MBP: variants seen among roughly 807,000 people sequenced by gnomAD.
MBP encodes the protein Golli-MBP.
In MBP, 16 loss-of-function variants were observed where a neutral mutation model predicts 35.8. That is an observed-to-expected ratio of 0.45 (90% confidence interval 0.30 to 0.68). The LOEUF (loss-of-function observed/expected upper bound fraction) is 0.68. Among genes scored for constraint, MBP ranks in the 30% least tolerant of loss-of-function variants. The pLI is 0.08. For synonymous variants in MBP, 143 were observed against 159.6 expected, an observed-to-expected ratio of 0.90 and a Z score of 0.78; for missense variants, 380 against 404.7, an observed-to-expected ratio of 0.94 and a Z score of 0.52.
At chr18:76,998,346 TTCCAC>T (rs1970437775) in intron 4 of MBP, among the ~76,000 whole-genome samples, 1 of 109,848 alleles carries the variant, frequency 9.1e-6, no homozygotes, top group African/African-American at 3.5e-5. Flanking sequence ...CCCTTCCACC[TTCCAC>T]CGTTAGGCTG....
At chr18:77,092,784 GCTC>G (rs1975589612) in intron 2 of MBP, among the ~76,000 whole-genome samples, 1 of 152,160 alleles carries the variant, frequency 6.6e-6, no homozygotes, top group South Asian at 2.1e-4. Flanking sequence ...GGAGAAGCAG[GCTC>G]CTCATTTCAC....
At chr18:77,132,428 G>C (rs976740047) in intron 1 of MBP, among the ~76,000 whole-genome samples, 152 bp downstream of exon 1, 1 of 152,188 alleles carries the variant, frequency 6.6e-6, no homozygotes, top group Non-Finnish European at 1.5e-5. Context: ...CCCGGAGTCC[G>C]GGCGTCGGGA....
chr18:77,001,360 C>T lies in MBP; in HGVS notation c.577-11300G>A, dbSNP rs373585742. Among the ~76,000 whole-genome samples, 209 of 152,310 alleles carry T rather than the reference C, an allele frequency of 1.4e-3. 3 individuals carry two copies. The highest frequency in any genetic ancestry group is 0.013 in the South Asian group (62 of 4,824). On this transcript the variant is annotated intron_variant, in intron 4 of 8. Transcript: ENST00000355994. The stretch of plus-strand genomic sequence containing the variant: ...GTGTAGATACACCTACCCAGAAGAT[C>T]GGCCCAGCGTAGCCTGACAGTCTCC...
At chr18:77,024,963 C>A (rs1055438985) in intron 3 of MBP, among the ~76,000 whole-genome samples, 1 of 152,192 alleles carries the variant, frequency 6.6e-6, no homozygotes, top group Admixed American at 6.5e-5. Flanking sequence ...CCACAGCACC[C>A]GCAGAGAGTG....
chr18:76,984,439 C>A, intron 8 of MBP: 1 of 293,808 alleles, frequency 3.4e-6, no homozygotes. Context: ...CCTGCTTTAG[C>A]TCCCTGAGGG....
intron 1 of MBP, among the ~76,000 whole-genome samples, chr18:77,120,791 G>A (rs1365741981): frequency 6.6e-6 from 1 of 152,140 alleles, no homozygotes; most frequent in Non-Finnish European, 1.5e-5. Context: ...AAGAGGTCAG[G>A]AATAAACCTG....
At position 77,021,084 on chromosome 18, in the gene MBP, C is replaced by T. The variant is rs188546173; in HGVS notation, c.140-3816G>A. On this transcript the variant is annotated intron_variant, in intron 3 of 8. Coordinates refer to ENST00000355994, the MANE Select transcript of MBP (RefSeq NM_001025101.2). Reference sequence around the variant, plus strand: ...GAGTGTTGTCTTCTGAGAAAGAGTCCTCCACCCTCCGCTCCGTACAGCCTT... The same window carrying T: ...GAGTGTTGTCTTCTGAGAAAGAGTCTTCCACCCTCCGCTCCGTACAGCCTT... 8.4e-4 allele frequency among the ~76,000 whole-genome samples: 128 copies of T among 152,244 alleles called. 1 individual carries two copies. The highest frequency in any genetic ancestry group is 1.7e-3 in the Admixed American group (26 of 15,294).
chr18:77,085,990 A>G (rs1333401359), intron 2 of MBP, among the ~76,000 whole-genome samples: 2 of 152,032 alleles, frequency 1.3e-5, no homozygotes, highest in Non-Finnish European at 2.9e-5. Flanking sequence ...CCCTCAGTGC[A>G]ATAAGGAGAG....
intron 3 of MBP, among the ~76,000 whole-genome samples, chr18:77,047,475 C>T (rs9961421): frequency 0.014 from 2,174 of 152,240 alleles, 49 homozygotes; most frequent in African/African-American, 0.049. Context: ...TGGGGTGAGA[C>T]GTGTCGGGGA....
At chr18:77,087,519 G>A (rs1483016294) in intron 2 of MBP, 1 of 152,340 alleles carries the variant, frequency 6.6e-6, no homozygotes, top group Non-Finnish European at 1.5e-5. Flanking sequence ...AAAGCGCAGA[G>A]GCCTCCCTCC....
chr18:76,993,036 C>A (rs374606148), intron 4 of MBP, among the ~76,000 whole-genome samples: 1 of 152,322 alleles, frequency 6.6e-6, no homozygotes, highest in East Asian at 1.9e-4. Flanking sequence ...CTCAGCACTG[C>A]GAGCTCTGTT....
intron 2 of MBP, among the ~76,000 whole-genome samples, chr18:77,088,336 AC>A (rs1975351822): frequency 6.6e-6 from 1 of 152,026 alleles, no homozygotes; most frequent in African/African-American, 2.4e-5. Context: ...TGAGGGCAGG[AC>A]CCATCCATGA....
chr18:77,035,804 A>AG (rs1487094074), intron 3 of MBP, among the ~76,000 whole-genome samples: 3 of 152,244 alleles, frequency 2.0e-5, no homozygotes, highest in African/African-American at 7.2e-5. Flanking sequence ...TTCAGAACAA[A>AG]CACGTTGCCA....
At chr18:76,984,655 G>A (rs975824145) in intron 8 of MBP, 120 bp downstream of exon 8, 2 of 1,389,200 alleles carry the variant, frequency 1.4e-6, no homozygotes, top group Admixed American at 1.8e-5. Context: ...CTGGGACAGA[G>A]CACGTCCAGG....
At chr18:77,023,847 C>T (rs529712347) in intron 3 of MBP, among the ~76,000 whole-genome samples, 1 of 152,218 alleles carries the variant, frequency 6.6e-6, no homozygotes, top group Admixed American at 6.5e-5. Flanking sequence ...CTCTTCTAAT[C>T]GCCTCATATT....
At chr18:77,125,032 C>T (rs1047208454) in intron 1 of MBP, among the ~76,000 whole-genome samples, 10 of 152,180 alleles carry the variant, frequency 6.6e-5, no homozygotes, top group Admixed American at 5.2e-4. Context: ...CGTTTCTGCA[C>T]GCTTCTCTTT....
At chr18:77,076,128 C>G (rs953517325) in intron 2 of MBP, among the ~76,000 whole-genome samples, 1 of 152,254 alleles carries the variant, frequency 6.6e-6, no homozygotes, top group Admixed American at 6.5e-5. Context: ...CACTGCCTGC[C>G]TCTCAGTGTG....
chr18:76,990,052 G>T lies in MBP; in HGVS notation c.585C>A (p.His195Gln). 6.2e-7 allele frequency: 1 copy of T among 1,611,798 alleles called. No individual in the cohort carries two copies. The change falls in exon 5 of 9, where the codon CAC becomes CAA. Residue 195 changes from histidine (H) to glutamine (Q), a missense_variant. By Grantham distance (24) the His-to-Gln change is conservative. Coordinates refer to ENST00000355994, the MANE Select transcript of MBP (RefSeq NM_001025101.2). Reference sequence around the variant, plus strand: ...CGTAGTGAGCAGTTCTTGCCGGGTGGTGTGAGTCCTGAAACACAGAGGCGC... The same window carrying T: ...CGTAGTGAGCAGTTCTTGCCGGGTGTTGTGAGTCCTGAAACACAGAGGCGC... ...APKRGSGKDS[H>Q]HPARTAHYGS...
At chr18:77,016,476 C>T (rs1489420842) in intron 4 of MBP, 14 of 1,108,174 alleles carry the variant, frequency 1.3e-5, no homozygotes, top group Non-Finnish European at 1.5e-5. Flanking sequence ...GAGGCAACAT[C>T]AGTCATCAAG....
Sources: allele counts gnomAD v4.1 joint callset (sites outside exome capture counted in the v4.1 genomes callset), GRCh38; gene constraint gnomAD v4.1.1; transcripts MANE v1.5; gene names NCBI Gene and HGNC (gene_info 2026-07-23, HGNC 2026-07-21).